Variants in BMAL1 observed in about 807,000 individuals in gnomAD.
BMAL1 encodes the protein basic helix-loop-helix ARNT like 1.
the BMAL1 span, among the ~76,000 whole-genome samples, chr11:13,305,917 G>C: frequency 6.6e-6 from 1 of 152,200 alleles, no homozygotes; most frequent in African/African-American, 2.4e-5. Flanking sequence ...TTTCTGAGTT[G>C]CTGGTCTCCT....
chr11:13,385,085 CTCT>C, the BMAL1 span, among the ~76,000 whole-genome samples: 1 of 152,136 alleles, frequency 6.6e-6, no homozygotes, highest in Non-Finnish European at 1.5e-5. Context: ...TCAAAGAATG[CTCT>C]TCTTTGAGAC....
chr11:13,341,613 G>A, the BMAL1 span, among the ~76,000 whole-genome samples: 1 of 152,192 alleles, frequency 6.6e-6, no homozygotes, highest in Non-Finnish European at 1.5e-5. Context: ...TAACAGCAGT[G>A]CATTCTTTTG....
At chr11:13,307,215 T>C in the BMAL1 span, among the ~76,000 whole-genome samples, 1 of 152,212 alleles carries the variant, frequency 6.6e-6, no homozygotes, top group Non-Finnish European at 1.5e-5. Flanking sequence ...GAATATGTAG[T>C]CTGGCAGTGC....
At chr11:13,320,014 G>C in the BMAL1 span, among the ~76,000 whole-genome samples, 4 of 152,206 alleles carry the variant, frequency 2.6e-5, no homozygotes, top group South Asian at 8.3e-4. Flanking sequence ...GACTTCTGGT[G>C]GTCACTTTTG....
the BMAL1 span, among the ~76,000 whole-genome samples, chr11:13,316,585 C>T: frequency 2.6e-5 from 4 of 152,150 alleles, 1 homozygote; most frequent in South Asian, 8.3e-4. Context: ...GATGTGAAAA[C>T]CCTACCTAGA....
chr11:13,379,331 A>G, the BMAL1 span: 3 of 152,192 alleles, frequency 2.0e-5, no homozygotes, highest in Non-Finnish European at 2.9e-5. Flanking sequence ...GGAAGAAAAC[A>G]CTGCTGCCGC....
the BMAL1 span, among the ~76,000 whole-genome samples, chr11:13,300,404 A>G: frequency 6.6e-6 from 1 of 152,252 alleles, no homozygotes; most frequent in Admixed American, 6.5e-5. Flanking sequence ...GAGGATATAT[A>G]AAAAATTTAC....
the BMAL1 span, chr11:13,381,345 T>G: frequency 1.6e-6 from 2 of 1,239,126 alleles, no homozygotes; most frequent in Middle Eastern, 1.9e-4. Context: ...CAACTGCGAT[T>G]GCTGAAACAA....
the BMAL1 span, among the ~76,000 whole-genome samples, chr11:13,325,425 A>G: frequency 6.6e-6 from 1 of 152,068 alleles, no homozygotes; most frequent in African/African-American, 2.4e-5. Flanking sequence ...GATCTGACAA[A>G]TGCTGCTTTT....
the BMAL1 span, among the ~76,000 whole-genome samples, chr11:13,278,671 T>A: frequency 6.6e-5 from 10 of 152,174 alleles, no homozygotes; most frequent in Admixed American, 5.2e-4. Flanking sequence ...CCCTCAAGGA[T>A]GCCCCGTGGG....
the BMAL1 span, chr11:13,385,672 C>G: frequency 6.3e-7 from 1 of 1,580,634 alleles, no homozygotes; most frequent in Non-Finnish European, 8.7e-7. Context: ...TTCACACTTC[C>G]CTCCTTTTGT....
the BMAL1 span, among the ~76,000 whole-genome samples, chr11:13,327,274 A>C: frequency 6.6e-6 from 1 of 152,168 alleles, no homozygotes; most frequent in South Asian, 2.1e-4. Context: ...AAATGAAATA[A>C]CATGTAATTT....
chr11:13,312,912 T>C, the BMAL1 span, among the ~76,000 whole-genome samples: 4 of 152,134 alleles, frequency 2.6e-5, no homozygotes, highest in Non-Finnish European at 1.5e-5. Flanking sequence ...GACGTCTACA[T>C]GTGTGAGATG....
chr11:13,367,810 C>T, the BMAL1 span, among the ~76,000 whole-genome samples: 2 of 151,882 alleles, frequency 1.3e-5, no homozygotes, highest in Non-Finnish European at 2.9e-5. Context: ...GTTACTTAAC[C>T]TCTCTCTGTC....
At chr11:13,364,440 GA>G in the BMAL1 span, among the ~76,000 whole-genome samples, 1 of 152,168 alleles carries the variant, frequency 6.6e-6, no homozygotes, top group South Asian at 2.1e-4. Flanking sequence ...ACCACATCAT[GA>G]AGGCCCTTTT....
At chr11:13,354,533 C>G in the BMAL1 span, 57 of 1,521,724 alleles carry the variant, frequency 3.7e-5, no homozygotes, top group Non-Finnish European at 4.7e-5. Flanking sequence ...GCTACTGTTT[C>G]ATCCTGGAAA....
At chr11:13,317,100 G>A in the BMAL1 span, among the ~76,000 whole-genome samples, 1 of 152,136 alleles carries the variant, frequency 6.6e-6, no homozygotes, top group Non-Finnish European at 1.5e-5. Flanking sequence ...CGTGTAGAAA[G>A]CACCAAATAT....
chr11:13,293,936 G>T, the BMAL1 span, among the ~76,000 whole-genome samples: 1 of 152,282 alleles, frequency 6.6e-6, no homozygotes, highest in South Asian at 2.1e-4. Context: ...GTTATAAAAT[G>T]CTTCTGTTGA....
chr11:13,343,154 A>G, the BMAL1 span, among the ~76,000 whole-genome samples: 2 of 152,214 alleles, frequency 1.3e-5, no homozygotes, highest in Non-Finnish European at 2.9e-5. Context: ...CGGCTGGTAA[A>G]TGTGGGACCT....
Sources: gnomAD v4.1 joint callset for allele counts (sites outside exome capture counted in the v4.1 genomes callset) on GRCh38, gnomAD v4.1.1 for gene constraint, MANE v1.5 for transcripts, NCBI Gene and HGNC (gene_info 2026-07-23, HGNC 2026-07-21) for gene names.